The following CCSER1 variants were observed in gnomAD, a reference collection of about 807,000 sequenced individuals.
The protein encoded by CCSER1 is coiled-coil serine rich protein 1, also known as serine-rich coiled-coil domain-containing protein 1.
CCSER1 carries 41 observed loss-of-function variants against 82.0 expected under a neutral mutation model. The observed-to-expected ratio is 0.50, with a 90% CI of 0.39 to 0.65. The LOEUF is 0.65. Among genes scored for constraint, CCSER1 ranks in the 30% least tolerant of loss-of-function variants. The pLI is 0.00. For missense variants in CCSER1, 1,119 were observed against 1,064.2 expected (o/e 1.05, Z -0.72); for synonymous variants, 414 against 383.9 (o/e 1.08, Z -0.92).
intron 9 of CCSER1, among the ~76,000 whole-genome samples, chr4:90,966,121 A>G (rs1306667689): frequency 6.6e-6 from 1 of 152,090 alleles, no homozygotes; most frequent in East Asian, 1.9e-4. Flanking sequence ...AAACCTGTAA[A>G]AACGCTGTGA....
intron 9 of CCSER1, among the ~76,000 whole-genome samples, chr4:91,084,128 T>C (rs1456015998): frequency 1.3e-5 from 2 of 152,122 alleles, no homozygotes; most frequent in Non-Finnish European, 2.9e-5. Flanking sequence ...AGACAGGGTT[T>C]CCCTATTTGG....
intron 10 of CCSER1, among the ~76,000 whole-genome samples, chr4:91,134,916 T>C (rs1035884766): frequency 2.0e-5 from 3 of 151,722 alleles, no homozygotes; most frequent in Admixed American, 2.0e-4. Flanking sequence ...AAAAATTAGC[T>C]GGATGTGGTG....
intron 10 of CCSER1, among the ~76,000 whole-genome samples, chr4:91,430,833 T>C (rs1434655038): frequency 6.6e-6 from 1 of 152,230 alleles, no homozygotes; most frequent in Non-Finnish European, 1.5e-5. Context: ...CCACGACTTT[T>C]TAGTCAAGTG....
rs192666942 is a variant in CCSER1 at position 90,222,066 on chromosome 4, A to G, written c.-41-86178A>G. On this transcript the variant is annotated intron_variant, in intron 1 of 10. Transcript: ENST00000509176. ...ATCAAAGAGTAAATTTTGCAGGCTC[A>G]GGTAACAAAGCAAGCTGGTGCATGG... Among the ~76,000 whole-genome samples the G allele has an allele frequency of 1.6e-3, 236 of 152,244 alleles. 2 individuals are homozygous for G. Among genetic ancestry groups the G allele is most frequent in the African/African-American group, 5.3e-3 (222 of 41,546 alleles).
chr4:91,318,315 G>A (rs968792651), intron 10 of CCSER1, among the ~76,000 whole-genome samples: 2 of 151,836 alleles, frequency 1.3e-5, no homozygotes, highest in African/African-American at 4.8e-5. Context: ...ATTTTTATAA[G>A]TCTGTAAAGT....
chr4:91,274,885 C>T (rs909297155), intron 10 of CCSER1, among the ~76,000 whole-genome samples: 22 of 151,884 alleles, frequency 1.4e-4, no homozygotes, highest in Non-Finnish European at 2.9e-5. Context: ...GCGGGCGGAT[C>T]ACGAGGTCAG....
At chr4:91,456,404 G>A (rs867755876) in intron 10 of CCSER1, among the ~76,000 whole-genome samples, 11 of 152,162 alleles carry the variant, frequency 7.2e-5, no homozygotes, top group Non-Finnish European at 1.2e-4. Context: ...TGAAAAAGAG[G>A]TAGGCAGATG....
At chr4:90,441,505 A>G (rs1469511881) in intron 4 of CCSER1, among the ~76,000 whole-genome samples, 1 of 151,918 alleles carries the variant, frequency 6.6e-6, no homozygotes, top group Non-Finnish European at 1.5e-5. Context: ...ATTCCACCAT[A>G]AGAGCCCCAA....
At chr4:90,130,237 T>C (rs1006082437) in intron 1 of CCSER1, among the ~76,000 whole-genome samples, 9 of 152,224 alleles carry the variant, frequency 5.9e-5, no homozygotes, top group African/African-American at 2.2e-4. Flanking sequence ...TTGTTCCCTG[T>C]CTTTCAGGAA....
At chr4:90,840,127 A>T (rs1156887305) in intron 8 of CCSER1, among the ~76,000 whole-genome samples, 1 of 152,098 alleles carries the variant, frequency 6.6e-6, no homozygotes, top group Non-Finnish European at 1.5e-5. Context: ...GTTTTATTAC[A>T]TCTGCTATTA....
rs1764836475 is a variant in CCSER1 at position 91,602,061 on chromosome 4, T to TAAAG, written c.*3006_*3009dup. Reference sequence around the variant, plus strand: ...CAACATGAAACTGTTGCTGCAATGCTAAAGATGTGAATCCACCACTATCAA... The same window carrying TAAAG: ...CAACATGAAACTGTTGCTGCAATGCTAAAGAAAGATGTGAATCCACCACTATCAA... On this transcript the variant is annotated 3_prime_UTR_variant, in exon 11 of 11. Coordinates refer to ENST00000509176, the MANE Select transcript of CCSER1 (RefSeq NM_001145065.2). The TAAAG allele has an allele frequency of 6.6e-6, 1 of 152,048 alleles. No homozygotes were observed. The highest frequency in any genetic ancestry group is 6.6e-5 in the Admixed American group (1 of 15,228). The allele number at this position is 152,048 out of a possible 1,614,324, so 9.4% of individuals were successfully genotyped here.
chr4:90,153,784 C>T (rs562306556), intron 1 of CCSER1, among the ~76,000 whole-genome samples: 78 of 152,176 alleles, frequency 5.1e-4, no homozygotes, highest in East Asian at 1.5e-3. Context: ...GGATATTAGC[C>T]GTTTGTCAGA....
At chr4:90,666,712 C>CA (rs974417782) in intron 6 of CCSER1, among the ~76,000 whole-genome samples, 5 of 151,994 alleles carry the variant, frequency 3.3e-5, no homozygotes, top group Admixed American at 6.5e-5. Flanking sequence ...TGGAGAGAGC[C>CA]AATTTTCACC....
At chr4:90,683,265 C>T (rs1175486422) in intron 6 of CCSER1, 1 of 152,056 alleles carries the variant, frequency 6.6e-6, no homozygotes, top group Admixed American at 6.6e-5. Context: ...TCTTAAAGTG[C>T]TTCTATGAAA....
At chr4:91,451,048 G>A (rs1755843941) in intron 10 of CCSER1, among the ~76,000 whole-genome samples, 1 of 150,944 alleles carries the variant, frequency 6.6e-6, no homozygotes, top group African/African-American at 2.4e-5. Context: ...TCAAAGCACT[G>A]GCAGATTCAG....
intron 5 of CCSER1, among the ~76,000 whole-genome samples, chr4:90,525,861 A>G (rs1349573232): frequency 1.3e-5 from 2 of 152,054 alleles, no homozygotes; most frequent in South Asian, 4.1e-4. Flanking sequence ...GCTGGTCTCG[A>G]ACTACAAGGC....
At chr4:91,532,154 G>A (rs1244422158) in intron 10 of CCSER1, among the ~76,000 whole-genome samples, 1 of 152,124 alleles carries the variant, frequency 6.6e-6, no homozygotes, top group Non-Finnish European at 1.5e-5. Flanking sequence ...TAAAAACTTA[G>A]GGAATCAGGT....
chr4:90,974,642 A>G (rs559155945), intron 9 of CCSER1, among the ~76,000 whole-genome samples: 2 of 151,594 alleles, frequency 1.3e-5, no homozygotes, highest in South Asian at 4.1e-4. Flanking sequence ...CATTAGGGGT[A>G]TGCAAGTCAG....
At chr4:90,998,230 G>A (rs1737672928) in intron 9 of CCSER1, among the ~76,000 whole-genome samples, 1 of 151,922 alleles carries the variant, frequency 6.6e-6, no homozygotes, top group African/African-American at 2.4e-5. Flanking sequence ...ACAGGCATGC[G>A]TCACCACGTC....
Sources: gnomAD v4.1 joint callset for allele counts (sites outside exome capture counted in the v4.1 genomes callset) on GRCh38, gnomAD v4.1.1 for gene constraint, MANE v1.5 for transcripts, NCBI Gene and HGNC (gene_info 2026-07-23, HGNC 2026-07-21) for gene names.